The following ST3GAL3 variants were observed in gnomAD, a reference collection of about 807,000 sequenced individuals.
The protein encoded by ST3GAL3 is ST3 beta-galactoside alpha-2,3-sialyltransferase 3.
ST3GAL3 carries 21 observed loss-of-function variants against 50.1 expected under a neutral mutation model. The ratio of observed to expected loss-of-function variants is 0.42; its 90% CI spans 0.30 to 0.60. The LOEUF is 0.60. Among genes scored for constraint, ST3GAL3 ranks in the 20% least tolerant of loss-of-function variants. The probability of loss-of-function intolerance (pLI) is 0.19; values close to 1 mark genes in which losing one functional copy is unlikely to be tolerated. For missense variants in ST3GAL3, 353 were observed against 489.4 expected (o/e 0.72, Z 2.63); for synonymous variants, 183 against 190.0 (o/e 0.96, Z 0.30).
intron 3 of ST3GAL3, among the ~76,000 whole-genome samples, chr1:43,808,014 T>G (rs1333533340): frequency 6.6e-6 from 1 of 151,956 alleles, no homozygotes; most frequent in African/African-American, 2.4e-5. Context: ...TATACACATG[T>G]GGAGCTCAGC....
Position 43,899,192 on chromosome 1 carries a change from C to T in ST3GAL3, c.486C>T (p.Ile162=), listed in dbSNP as rs764149445. The change falls in exon 8 of 12, where the codon ATC becomes ATT. Residue 162 remains isoleucine (I), a synonymous_variant. Transcript: ENST00000347631. This position sits in a 1 kb window ranked among gnomAD's most constrained non-coding sequence, Gnocchi z 5.4. ...GCCTCCGCTGCCGCCGCTGCATCAT[C>T]GTGGGCAATGGAGGCGTTCTTGCCA... ...LDSLRCRRCI[I]VGNGGVLANK... is the part of the protein sequence containing the mutation. 9 of 1,614,098 alleles carry T rather than the reference C, an allele frequency of 5.6e-6. No individual in the cohort carries two copies. The highest frequency in any genetic ancestry group is 1.3e-5 in the African/African-American group (1 of 74,942).
At chr1:43,837,246 G>A (rs1289425164) in intron 4 of ST3GAL3, among the ~76,000 whole-genome samples, 1 of 152,164 alleles carries the variant, frequency 6.6e-6, no homozygotes, top group African/African-American at 2.4e-5. Context: ...CCCAATCCGA[G>A]GGTCAGGGAA....
chr1:43,797,780 G>C (rs1035683457), intron 3 of ST3GAL3, among the ~76,000 whole-genome samples: 2 of 152,118 alleles, frequency 1.3e-5, no homozygotes, highest in African/African-American at 4.8e-5. Context: ...AGAATGGAAA[G>C]GAAGAAACAA....
At chr1:43,826,047 C>G (rs1216450352) in intron 4 of ST3GAL3, among the ~76,000 whole-genome samples, 2 of 151,892 alleles carry the variant, frequency 1.3e-5, no homozygotes, top group Non-Finnish European at 2.9e-5. Context: ...AGGAGGATCG[C>G]TTGAGCCCAG....
At chr1:43,802,181 G>C (rs1190662900) in intron 3 of ST3GAL3, among the ~76,000 whole-genome samples, 1 of 152,040 alleles carries the variant, frequency 6.6e-6, no homozygotes, top group Non-Finnish European at 1.5e-5. Context: ...GTCTGGGAAG[G>C]CTTCACATAA....
intron 2 of ST3GAL3, among the ~76,000 whole-genome samples, chr1:43,765,248 C>A (rs562886412): frequency 6.6e-6 from 1 of 152,288 alleles, no homozygotes; most frequent in African/African-American, 2.4e-5. Flanking sequence ...GAGTCCTTCA[C>A]TGGATTCTCT....
intron 5 of ST3GAL3, among the ~76,000 whole-genome samples, chr1:43,886,032 A>G (rs116826598): frequency 0.014 from 2,095 of 152,314 alleles, 45 homozygotes; most frequent in African/African-American, 0.048. Flanking sequence ...GTTAACAGTA[A>G]TATATAGTTT....
chr1:43,784,896 T>C lies in ST3GAL3; in HGVS notation c.119-7206T>C, dbSNP rs142420363. Among the ~76,000 whole-genome samples, 25 of 152,356 alleles carry C rather than the reference T, an allele frequency of 1.6e-4. No homozygotes were observed. The East Asian group carries it at 4.6e-3, about 28-fold the overall frequency. On this transcript the variant is annotated intron_variant, in intron 2 of 11. Coordinates refer to ENST00000347631, the MANE Select transcript of ST3GAL3 (RefSeq NM_006279.5). ...CCTCTTTGCCACATTGGGATACTCC[T>C]TGTGATCAATTCTCACCTCCTTTGG...
chr1:43,751,005 A>G (rs1441610529), intron 2 of ST3GAL3, among the ~76,000 whole-genome samples: 3 of 152,176 alleles, frequency 2.0e-5, no homozygotes, highest in Non-Finnish European at 4.4e-5. Flanking sequence ...CAGAGAGATG[A>G]TATTCTTAAT....
At chr1:43,920,076 GTCT>G (rs998260467) in intron 9 of ST3GAL3, 12 of 398,470 alleles carry the variant, frequency 3.0e-5, no homozygotes, top group African/African-American at 1.2e-4. Context: ...GCACTGCTGG[GTCT>G]TCTTATTGGC....
intron 9 of ST3GAL3, among the ~76,000 whole-genome samples, chr1:43,909,181 A>G (rs1309347665): frequency 6.6e-6 from 1 of 152,218 alleles, no homozygotes; most frequent in Non-Finnish European, 1.5e-5. Context: ...AGAGTGCAAC[A>G]GTACCTTCGA....
At chr1:43,771,171 A>C (rs1313288336) in intron 2 of ST3GAL3, among the ~76,000 whole-genome samples, 1 of 152,228 alleles carries the variant, frequency 6.6e-6, no homozygotes, top group East Asian at 1.9e-4. Context: ...CCCTTTGGGC[A>C]ATAAACATGC....
At chr1:43,892,520 T>C (rs576956863) in intron 5 of ST3GAL3, among the ~76,000 whole-genome samples, 2 of 152,316 alleles carry the variant, frequency 1.3e-5, no homozygotes, top group South Asian at 2.1e-4. Flanking sequence ...CAGTTATGGG[T>C]ATTTTTATTT....
At chr1:43,809,142 G>GA (rs775608650) in intron 3 of ST3GAL3, among the ~76,000 whole-genome samples, 14 of 151,364 alleles carry the variant, frequency 9.2e-5, no homozygotes, top group Admixed American at 1.3e-4. Context: ...TATAAAGAGG[G>GA]AAAAAAAACA....
intron 1 of ST3GAL3, among the ~76,000 whole-genome samples, chr1:43,734,297 C>T (rs12125897): frequency 2.4e-4 from 28 of 114,438 alleles, no homozygotes; most frequent in South Asian, 1.2e-3. Flanking sequence ...TCTTCTTCTT[C>T]TTTTTTTTTT....
intron 2 of ST3GAL3, among the ~76,000 whole-genome samples, chr1:43,750,824 T>G (rs921508772): frequency 1.3e-5 from 2 of 151,942 alleles, no homozygotes; most frequent in African/African-American, 4.8e-5. Flanking sequence ...ATGCCTGAGC[T>G]GTGCTCACGC....
At chr1:43,925,479 G>C (rs1186584146) in intron 11 of ST3GAL3, among the ~76,000 whole-genome samples, 1 of 152,182 alleles carries the variant, frequency 6.6e-6, no homozygotes, top group Non-Finnish European at 1.5e-5. Context: ...CACGTAGTAA[G>C]CACTCAGAAA....
chr1:43,827,501 T>C (rs2062968338), intron 4 of ST3GAL3, among the ~76,000 whole-genome samples: 1 of 152,030 alleles, frequency 6.6e-6, no homozygotes, highest in South Asian at 2.1e-4. Flanking sequence ...GGACTCAGTA[T>C]TGGGTTTTGG....
chr1:43,866,781 G>A (rs192996740), intron 5 of ST3GAL3, among the ~76,000 whole-genome samples: 4 of 152,152 alleles, frequency 2.6e-5, no homozygotes, highest in African/African-American at 9.6e-5. Flanking sequence ...TCTAGAGCAA[G>A]ATCATGGGAG....
Sources: allele counts gnomAD v4.1 joint callset (sites outside exome capture counted in the v4.1 genomes callset), GRCh38; gene constraint gnomAD v4.1.1; non-coding constraint Gnocchi (gnomAD v3.1); transcripts MANE v1.5; gene names NCBI Gene and HGNC (gene_info 2026-07-23, HGNC 2026-07-21).